ASIC2: variants seen among roughly 807,000 people sequenced by gnomAD.
The protein encoded by ASIC2 is acid-sensing ion channel 2.
A neutral mutation model predicts 57.3 loss-of-function variants in ASIC2; 25 were observed. The ratio of observed to expected loss-of-function variants is 0.44; its 90% CI spans 0.32 to 0.61. The LOEUF is 0.61. Among genes scored for constraint, ASIC2 ranks in the 20% least tolerant of loss-of-function variants. ASIC2 has a pLI of 0.06. For missense variants in ASIC2, 641 were observed against 738.1 expected, an observed-to-expected ratio of 0.87 and a Z score of 1.52; for synonymous variants, 319 against 307.5, an observed-to-expected ratio of 1.04 and a Z score of -0.39.
At chr17:33,856,986 A>T (rs926867132) in intron 1 of ASIC2, among the ~76,000 whole-genome samples, 2 of 152,086 alleles carry the variant, frequency 1.3e-5, no homozygotes, top group African/African-American at 4.8e-5. Context: ...GTGGCACCCA[A>T]GGGGACCCCA....
chr17:33,141,606 C>T (rs1000069357), intron 1 of ASIC2, among the ~76,000 whole-genome samples: 1 of 152,188 alleles, frequency 6.6e-6, no homozygotes, highest in Non-Finnish European at 1.5e-5. Context: ...TAAGGCTTCC[C>T]AGAAGACAAA....
At chr17:33,402,086 T>C (rs1910305258) in intron 1 of ASIC2, among the ~76,000 whole-genome samples, 1 of 152,138 alleles carries the variant, frequency 6.6e-6, no homozygotes, top group South Asian at 2.1e-4. Context: ...GATGTTTGAC[T>C]CCTCCTGGAC....
At chr17:33,126,187 C>T (rs151237770) in intron 1 of ASIC2, among the ~76,000 whole-genome samples, 3 of 152,276 alleles carry the variant, frequency 2.0e-5, no homozygotes, top group East Asian at 1.9e-4. Flanking sequence ...ATCACGGACT[C>T]GTGAAGTGCA....
chr17:33,617,367 AGGCCATTATCCTAAGC>A (rs1905640593), intron 1 of ASIC2, among the ~76,000 whole-genome samples: 1 of 152,216 alleles, frequency 6.6e-6, no homozygotes, highest in African/African-American at 2.4e-5. Flanking sequence ...ATGAAGCTGG[AGGCCATTATCCTAAGC>A]GAACTAACAC....
chr17:33,510,923 T>G lies in ASIC2; in HGVS notation c.556-398856A>C, dbSNP rs182568006. On this transcript the variant is annotated intron_variant, in intron 1 of 9. Transcript: ENST00000359872. ...GAGACCCAGCTCCTCCTGGGGGTCA[T>G]GCACCCTCCGCAGTAAGGCCGTAGA... is the stretch of plus-strand genomic sequence containing the variant. Among the ~76,000 whole-genome samples, 3 of 152,350 alleles carry G rather than the reference T, an allele frequency of 2.0e-5. No homozygotes were observed. In the South Asian group the frequency reaches 6.2e-4, roughly 32 times the overall value.
chr17:33,725,615 G>A (rs1472040431), intron 1 of ASIC2, among the ~76,000 whole-genome samples: 4 of 151,958 alleles, frequency 2.6e-5, no homozygotes, highest in African/African-American at 7.2e-5. Context: ...TCCATGATCC[G>A]TGGGCTATTG....
chr17:33,522,282 G>C (rs1452418819), intron 1 of ASIC2, among the ~76,000 whole-genome samples: 1 of 152,194 alleles, frequency 6.6e-6, no homozygotes, highest in African/African-American at 2.4e-5. Context: ...ATCTTAAAGG[G>C]TCAATGAATT....
intron 1 of ASIC2, among the ~76,000 whole-genome samples, chr17:33,645,888 C>A (rs568644314): frequency 6.6e-6 from 1 of 152,148 alleles, no homozygotes; most frequent in African/African-American, 2.4e-5. Flanking sequence ...GCCATAACTT[C>A]TTAACATGTA....
intron 1 of ASIC2, among the ~76,000 whole-genome samples, chr17:33,468,380 C>T (rs1225032905): frequency 6.6e-6 from 1 of 152,146 alleles, no homozygotes; most frequent in African/African-American, 2.4e-5. Flanking sequence ...GATGAAGATT[C>T]TGAAAAGGAT....
At chr17:33,196,486 C>T (rs912098896) in intron 1 of ASIC2, among the ~76,000 whole-genome samples, 1 of 152,130 alleles carries the variant, frequency 6.6e-6, no homozygotes, top group African/African-American at 2.4e-5. Flanking sequence ...AAAGTCCAGA[C>T]AGGAAGGTGT....
intron 1 of ASIC2, among the ~76,000 whole-genome samples, chr17:34,122,146 T>C (rs1911640761): frequency 6.6e-6 from 1 of 152,262 alleles, no homozygotes; most frequent in Admixed American, 6.5e-5. Flanking sequence ...TTGTATTATT[T>C]GGGGCCAGCC....
chr17:33,394,640 C>A (rs1801370325), intron 1 of ASIC2, among the ~76,000 whole-genome samples: 1 of 152,078 alleles, frequency 6.6e-6, no homozygotes, highest in South Asian at 2.1e-4. Context: ...CTAGGGTGAG[C>A]CAAGTGAGGC....
chr17:33,760,448 A>G (rs1168535966), intron 1 of ASIC2, among the ~76,000 whole-genome samples: 1 of 152,116 alleles, frequency 6.6e-6, no homozygotes, highest in Admixed American at 6.5e-5. Flanking sequence ...CAGATTTTAT[A>G]AAGCAAGATA....
intron 3 of ASIC2, among the ~76,000 whole-genome samples, chr17:33,074,418 T>C (rs1364728213): frequency 6.6e-6 from 1 of 152,046 alleles, no homozygotes; most frequent in Admixed American, 6.6e-5. Context: ...CAGGTCTGAG[T>C]GGTCCTCCTC....
rs1905921934 is a variant in ASIC2, at chr17:33,989,133, C to G, written c.555+166845G>C. 2.0e-5 allele frequency among the ~76,000 whole-genome samples: 3 copies of G among 152,030 alleles called. No individual in the cohort carries two copies. In the South Asian group the frequency reaches 6.2e-4, roughly 32 times the overall value. ...TCTGTCTGAACTTGAAGCCCTTTTT[C>G]TTGTTAGTGAGACATGATGTTAAAC... On this transcript the variant is annotated intron_variant, in intron 1 of 9. Transcript: ENST00000359872.
At chr17:33,609,564 C>A (rs1026576704) in intron 1 of ASIC2, among the ~76,000 whole-genome samples, 2 of 152,218 alleles carry the variant, frequency 1.3e-5, no homozygotes, top group Non-Finnish European at 1.5e-5. Context: ...AGCCTTCCTG[C>A]AACCCCAGTC....
Position 33,013,773 on chromosome 17 carries a change from C to G in ASIC2, c.*192G>C. ...ACTCATCTCTCCTAAGAGGGACGCA[C>G]GGCGGGGCCCAAGGATGCGTCGTGT... On this transcript the variant is annotated 3_prime_UTR_variant, in exon 10 of 10. Transcript: ENST00000225823. The G allele has an allele frequency of 1.6e-6, 1 of 613,912 alleles. No homozygotes were observed. The highest frequency in any genetic ancestry group is 1.9e-5 in the South Asian group (1 of 51,370). The allele number at this position is 613,912 out of a possible 1,614,324, so 38.0% of individuals were successfully genotyped here.
At chr17:33,277,511 C>T (rs969237935) in intron 1 of ASIC2, among the ~76,000 whole-genome samples, 4 of 152,186 alleles carry the variant, frequency 2.6e-5, no homozygotes, top group African/African-American at 9.7e-5. Context: ...AAGTTCTCTG[C>T]GGAACACAAT....
intron 1 of ASIC2, among the ~76,000 whole-genome samples, chr17:33,925,855 A>G (rs1380566425): frequency 1.3e-5 from 2 of 152,182 alleles, no homozygotes; most frequent in African/African-American, 4.8e-5. Flanking sequence ...GTGGGTGGCC[A>G]CTGGATTTCA....
Sources: allele counts gnomAD v4.1 joint callset (sites outside exome capture counted in the v4.1 genomes callset), GRCh38; gene constraint gnomAD v4.1.1; transcripts MANE v1.5; gene names NCBI Gene and HGNC (gene_info 2026-07-23, HGNC 2026-07-21).